SPATA17: variants seen among roughly 807,000 people sequenced by gnomAD.
The protein encoded by SPATA17 is spermatogenesis associated 17.
Under a neutral mutation model 62.2 loss-of-function variants are expected in SPATA17, and 53 were observed. The ratio of observed to expected loss-of-function variants is 0.85; its 90% CI spans 0.68 to 1.07. The LOEUF is 1.07. Among genes scored for constraint, SPATA17 ranks in the 50% least tolerant of loss-of-function variants. The probability of loss-of-function intolerance (pLI) is 0.00; values close to 1 mark genes in which losing one functional copy is unlikely to be tolerated. For synonymous variants in SPATA17, 146 were observed against 146.8 expected (o/e 0.99, Z 0.04); for missense variants, 466 against 425.5 (o/e 1.10, Z -0.84).
At chr1:217,850,487 C>T (rs1305560027) in intron 9 of SPATA17, 2 of 1,493,070 alleles carry the variant, frequency 1.3e-6, no homozygotes, top group Non-Finnish European at 9.3e-7. Flanking sequence ...CCTCTTCTAG[C>T]TGCATGCCTG....
chr1:217,698,897 T>C (rs1425525336), intron 5 of SPATA17, among the ~76,000 whole-genome samples: 1 of 152,218 alleles, frequency 6.6e-6, no homozygotes, highest in Non-Finnish European at 1.5e-5. Context: ...CCCTAACTTC[T>C]GCCAACCATT....
intron 6 of SPATA17, among the ~76,000 whole-genome samples, chr1:217,757,143 T>C (rs1673064553): frequency 1.3e-5 from 2 of 152,190 alleles, no homozygotes; most frequent in South Asian, 4.1e-4. Flanking sequence ...TGTTATGGAA[T>C]AATCAGGGTG....
At chr1:217,833,624 C>T (rs1261602566) in intron 9 of SPATA17, among the ~76,000 whole-genome samples, 1 of 152,044 alleles carries the variant, frequency 6.6e-6, no homozygotes, top group Non-Finnish European at 1.5e-5. Flanking sequence ...ATTTTATATG[C>T]GGAGTTTGAT....
chr1:217,782,545 C>T (rs924456797), intron 8 of SPATA17, among the ~76,000 whole-genome samples: 9 of 151,912 alleles, frequency 5.9e-5, no homozygotes, highest in Non-Finnish European at 7.4e-5. Flanking sequence ...AAAAAAAGAT[C>T]GGCATTTTGA....
chr1:217,700,056 C>T (rs779518230), intron 5 of SPATA17, among the ~76,000 whole-genome samples: 1 of 152,088 alleles, frequency 6.6e-6, no homozygotes, highest in Non-Finnish European at 1.5e-5. Context: ...ACTATCTTAT[C>T]TACTGTAACT....
chr1:217,773,549 A>G (rs1336257675), intron 6 of SPATA17, among the ~76,000 whole-genome samples: 3 of 152,194 alleles, frequency 2.0e-5, no homozygotes, highest in Non-Finnish European at 4.4e-5. Context: ...TAAATTTTCA[A>G]AAATAGACAC....
intron 5 of SPATA17, among the ~76,000 whole-genome samples, chr1:217,716,324 A>G (rs528690139): frequency 6.6e-6 from 1 of 152,196 alleles, no homozygotes; most frequent in South Asian, 2.1e-4. Flanking sequence ...GACTGCTAAC[A>G]TGTGCAGCAC....
intron 9 of SPATA17, chr1:217,850,656 G>A (rs1211034244): frequency 2.6e-6 from 4 of 1,557,232 alleles, no homozygotes; most frequent in African/African-American, 1.4e-5. Context: ...GCAGATACGA[G>A]GATGCTGCGA....
rs1232733507 is a variant in SPATA17, at chr1:217,743,172, A to G, written c.519+1074A>G. Among the ~76,000 whole-genome samples the G allele has an allele frequency of 2.0e-5, 3 of 152,108 alleles. 1 individual carries two copies. The highest frequency in any genetic ancestry group is 7.2e-5 in the African/African-American group (3 of 41,420). Reference sequence around the variant, plus strand: ...GTAGCTAAGTTACAGATACAAAGCTAGTAGAAATAGATATGGCACTCGGCA... The same window carrying G: ...GTAGCTAAGTTACAGATACAAAGCTGGTAGAAATAGATATGGCACTCGGCA... On this transcript the variant is annotated intron_variant, in intron 6 of 10. Transcript: ENST00000366933.
intron 9 of SPATA17, among the ~76,000 whole-genome samples, chr1:217,834,116 C>T (rs756480686): frequency 1.5e-4 from 23 of 152,080 alleles, no homozygotes; most frequent in Non-Finnish European, 2.2e-4. Context: ...TTAAACATCA[C>T]GTAGAGATGT....
intron 1 of SPATA17, among the ~76,000 whole-genome samples, chr1:217,638,987 A>G (rs1313051554): frequency 2.6e-5 from 4 of 152,220 alleles, no homozygotes; most frequent in African/African-American, 9.6e-5. Context: ...TGTTATGTGA[A>G]TAATAGTTAC....
intron 5 of SPATA17, among the ~76,000 whole-genome samples, chr1:217,734,448 C>CT (rs1278051989): frequency 6.6e-6 from 1 of 152,158 alleles, no homozygotes; most frequent in Non-Finnish European, 1.5e-5. Flanking sequence ...AGTGAAGCTC[C>CT]TGCCTCAGCC....
chr1:217,709,057 A>T (rs1026227003), intron 5 of SPATA17, among the ~76,000 whole-genome samples: 1 of 152,208 alleles, frequency 6.6e-6, no homozygotes, highest in Non-Finnish European at 1.5e-5. Context: ...GCCATCTATG[A>T]CAAACTCACA....
intron 6 of SPATA17, among the ~76,000 whole-genome samples, chr1:217,767,853 G>A (rs1206323982): frequency 6.6e-6 from 1 of 152,154 alleles, no homozygotes; most frequent in Non-Finnish European, 1.5e-5. Context: ...TCTGATGCCT[G>A]ATTTGTCTCT....
rs1670244620 is a variant in SPATA17 at position 217,648,811 on chromosome 1, G to A, written c.69-71G>A. On this transcript the variant is annotated intron_variant, in intron 1 of 10. Coordinates refer to ENST00000366933, the MANE Select transcript of SPATA17 (RefSeq NM_138796.4). ...CATCTTGGAAGAAATTAAAAATCAA[G>A]TTTAACAGGTTGACTTGCTTTAGAA... 5.9e-6 allele frequency: 5 copies of A among 848,068 alleles called. No homozygotes were observed. In the South Asian group the frequency reaches 1.1e-4, roughly 19 times the overall value. 52.5% of individuals were successfully genotyped at this position (848,068 alleles called of 1,614,324 possible). A position where few individuals can be genotyped will look rare whatever the true frequency, so the allele number is the denominator to read the frequency against.
At chr1:217,671,455 C>T (rs1486118047) in intron 4 of SPATA17, among the ~76,000 whole-genome samples, 2 of 152,178 alleles carry the variant, frequency 1.3e-5, no homozygotes, top group African/African-American at 2.4e-5. Flanking sequence ...TTATAAATTT[C>T]GTGGTCAAAG....
chr1:217,733,067 T>C (rs1672434099), intron 5 of SPATA17, among the ~76,000 whole-genome samples: 1 of 152,230 alleles, frequency 6.6e-6, no homozygotes, highest in Non-Finnish European at 1.5e-5. Context: ...TATTGCTTTT[T>C]ATAATCATGC....
intron 7 of SPATA17, among the ~76,000 whole-genome samples, chr1:217,779,144 T>TTGTGTGTG (rs55714817): frequency 1.8e-3 from 273 of 148,550 alleles, no homozygotes; most frequent in African/African-American, 6.5e-3. Flanking sequence ...GTAAAACAAC[T>TTGTGTGTG]TGTGTGTGTG....
chr1:217,859,752 A>G (rs1675860909), intron 9 of SPATA17, among the ~76,000 whole-genome samples: 1 of 152,004 alleles, frequency 6.6e-6, no homozygotes, highest in Non-Finnish European at 1.5e-5. Context: ...GTGATGGCCC[A>G]TTTTTCAGTC....
Sources: gnomAD v4.1 joint callset for allele counts (sites outside exome capture counted in the v4.1 genomes callset) on GRCh38, gnomAD v4.1.1 for gene constraint, MANE v1.5 for transcripts, NCBI Gene and HGNC (gene_info 2026-07-23, HGNC 2026-07-21) for gene names.